Variants in PLCZ1 observed in about 807,000 individuals in gnomAD.
The protein encoded by PLCZ1 is phospholipase C zeta 1.
PLCZ1 carries 64 observed loss-of-function variants against 76.8 expected under a neutral mutation model. The observed-to-expected ratio is 0.83, with a 90% CI of 0.68 to 1.03. The LOEUF (loss-of-function observed/expected upper bound fraction) is 1.03. Among genes scored for constraint, PLCZ1 ranks in the 50% least tolerant of loss-of-function variants. The pLI, the probability that PLCZ1 is intolerant of heterozygous loss-of-function variation, is 0.00. For synonymous variants in PLCZ1, 248 were observed against 230.8 expected (o/e 1.07, Z -0.68); for missense variants, 751 against 713.7 (o/e 1.05, Z -0.60).
At chr12:18,675,462 T>C in the PLCZ1 span, among the ~76,000 whole-genome samples, 6 of 152,132 alleles carry the variant, frequency 3.9e-5, no homozygotes, top group Non-Finnish European at 8.8e-5. Flanking sequence ...AAAGTATGGG[T>C]ATTTCTCACA....
the PLCZ1 span, among the ~76,000 whole-genome samples, chr12:18,672,834 A>G: frequency 7.0e-4 from 106 of 152,278 alleles, no homozygotes; most frequent in African/African-American, 2.4e-3. Flanking sequence ...GCTTCGATGT[A>G]GTCCATTCAG....
chr12:18,673,666 C>T, the PLCZ1 span, among the ~76,000 whole-genome samples: 2 of 152,176 alleles, frequency 1.3e-5, no homozygotes, highest in Non-Finnish European at 2.9e-5. Context: ...GAAATCCAGG[C>T]ACAGCTACTG....
chr12:18,683,439 T>C (rs1314234644), intron 14 of PLCZ1, 115 bp from the exon 15 acceptor site: 3 of 1,430,530 alleles, frequency 2.1e-6, no homozygotes, highest in African/African-American at 2.8e-5. Context: ...ACCATGACTA[T>C]AGAGTTATAT....
chr12:18,648,545 A>G, the PLCZ1 span: 4 of 168,704 alleles, frequency 2.4e-5, no homozygotes, highest in African/African-American at 4.8e-5. Flanking sequence ...TCAGAAAACC[A>G]AAACATAAAT....
At chr12:18,678,533 T>C (rs1952151705), downstream of PLCZ1, among the ~76,000 whole-genome samples, 1 of 152,094 alleles carries the variant, frequency 6.6e-6, no homozygotes, top group African/African-American at 2.4e-5. Context: ...CGCCATTCAC[T>C]GATTTTCTTT....
the PLCZ1 span, among the ~76,000 whole-genome samples, chr12:18,659,045 A>G: frequency 9.2e-5 from 14 of 152,154 alleles, no homozygotes; most frequent in Non-Finnish European, 1.9e-4. Flanking sequence ...GAGAGGCAAG[A>G]GTTGCTATGG....
At chr12:18,710,014 A>G (rs187294586) in intron 6 of PLCZ1, among the ~76,000 whole-genome samples, 31 of 151,978 alleles carry the variant, frequency 2.0e-4, no homozygotes, top group Non-Finnish European at 4.1e-4. Context: ...GTGTTCTGCA[A>G]CTTTACTGAA....
chr12:18,691,189 G>A lies in PLCZ1; in HGVS notation c.1462-2971C>T, dbSNP rs547243753. On this transcript the variant is annotated intron_variant, in intron 12 of 14. Transcript: ENST00000266505. ...TGGTCTGGATGTGGGATGTGAAGGA[G>A]ATGTGAAAGATTAGAATGGTTCCCA... Among the ~76,000 whole-genome samples the A allele has an allele frequency of 3.3e-5, 5 of 152,258 alleles. No individual in the cohort carries two copies. In the East Asian group the frequency reaches 9.7e-4, roughly 29 times the overall value.
chr12:18,717,230 C>A (rs1368443509), intron 5 of PLCZ1, among the ~76,000 whole-genome samples: 1 of 151,830 alleles, frequency 6.6e-6, no homozygotes, highest in African/African-American at 2.4e-5. Context: ...TTTATATTTT[C>A]TCTCTTAAAA....
intron 10 of PLCZ1, among the ~76,000 whole-genome samples, chr12:18,697,334 G>T (rs1410577380): frequency 6.6e-6 from 1 of 152,114 alleles, no homozygotes; most frequent in Non-Finnish European, 1.5e-5. Flanking sequence ...TTCCTTGAGA[G>T]AAAGTTTATT....
chr12:18,707,802 G>A (rs549895647), intron 6 of PLCZ1, among the ~76,000 whole-genome samples: 1 of 152,238 alleles, frequency 6.6e-6, no homozygotes, highest in East Asian at 1.9e-4. Flanking sequence ...GTTCAGCTGG[G>A]AAGTCTCATT....
chr12:18,721,841 T>G (rs1219334513), intron 4 of PLCZ1, among the ~76,000 whole-genome samples: 2 of 152,036 alleles, frequency 1.3e-5, no homozygotes, highest in Non-Finnish European at 2.9e-5. Context: ...GAGACCAAAT[T>G]GTCACTAAGA....
chr12:18,686,113 G>T (rs1953114211), intron 13 of PLCZ1, among the ~76,000 whole-genome samples: 1 of 151,868 alleles, frequency 6.6e-6, no homozygotes, highest in African/African-American at 2.4e-5. Context: ...TCTGCGCAGT[G>T]TTTCTCACTT....
intron 6 of PLCZ1, among the ~76,000 whole-genome samples, chr12:18,709,625 T>A (rs1957052180): frequency 6.6e-6 from 1 of 152,118 alleles, no homozygotes; most frequent in South Asian, 2.1e-4. Context: ...TTCACACCTG[T>A]AATCCCAGCA....
the PLCZ1 span, chr12:18,648,126 A>G: frequency 1.5e-6 from 1 of 653,426 alleles, no homozygotes; most frequent in Non-Finnish European, 2.4e-6. Context: ...GTTGTCAAAG[A>G]CAGCACAGGG....
intron 5 of PLCZ1, among the ~76,000 whole-genome samples, chr12:18,716,686 A>T (rs947773543): frequency 1.3e-5 from 2 of 152,174 alleles, no homozygotes; most frequent in African/African-American, 4.8e-5. Flanking sequence ...GTGGTATGAA[A>T]TTTCCACTCT....
chr12:18,688,998 T>G (rs1953634824), intron 12 of PLCZ1, among the ~76,000 whole-genome samples: 1 of 148,918 alleles, frequency 6.7e-6, no homozygotes, highest in Non-Finnish European at 1.5e-5. Context: ...AGAGAAGGAG[T>G]AGAAAAGAAA....
chr12:18,666,160 G>GA, the PLCZ1 span, among the ~76,000 whole-genome samples: 2 of 151,156 alleles, frequency 1.3e-5, no homozygotes, highest in African/African-American at 2.4e-5. Flanking sequence ...TAACACAAAA[G>GA]AAAAAAATTA....
At chr12:18,652,598 C>T in the PLCZ1 span, among the ~76,000 whole-genome samples, 1 of 151,998 alleles carries the variant, frequency 6.6e-6, no homozygotes, top group African/African-American at 2.4e-5. Flanking sequence ...TTGTGTTGTC[C>T]CAGCCCCACA....
Sources: allele counts gnomAD v4.1 joint callset (sites outside exome capture counted in the v4.1 genomes callset), GRCh38; gene constraint gnomAD v4.1.1; transcripts MANE v1.5; gene names NCBI Gene and HGNC (gene_info 2026-07-23, HGNC 2026-07-21).